Variants in DCC observed in about 807,000 individuals in gnomAD.
DCC encodes DCC netrin 1 receptor, also known as netrin receptor DCC.
In DCC, 58 loss-of-function variants were observed where a neutral mutation model predicts 172.5. The ratio of observed to expected loss-of-function variants is 0.34; its 90% CI spans 0.27 to 0.42. DCC has a LOEUF of 0.42. DCC is among the 10% of genes least tolerant of loss of function. The probability of loss-of-function intolerance (pLI) is 1.00; values close to 1 mark genes in which losing one functional copy is unlikely to be tolerated. For synonymous variants in DCC, 709 were observed against 644.5 expected (o/e 1.10, Z -1.52); for missense variants, 1,740 against 1,791.0 (o/e 0.97, Z 0.51).
chr18:52,489,995 C>T (rs974668062), intron 1 of DCC, among the ~76,000 whole-genome samples: 1 of 152,128 alleles, frequency 6.6e-6, no homozygotes, highest in Admixed American at 6.6e-5. Context: ...TTTTCTGATG[C>T]ATACAATTAG....
intron 1 of DCC, among the ~76,000 whole-genome samples, chr18:52,390,001 A>G (rs867823381): frequency 2.6e-5 from 4 of 152,070 alleles, no homozygotes; most frequent in Non-Finnish European, 5.9e-5. Context: ...TGAGACTTAC[A>G]TTACAATATG....
At chr18:53,116,080 A>G (rs1419205706) in intron 7 of DCC, among the ~76,000 whole-genome samples, 1 of 151,638 alleles carries the variant, frequency 6.6e-6, no homozygotes, top group Non-Finnish European at 1.5e-5. Context: ...CATTTTGCTG[A>G]CCTGTTACTT....
chr18:53,005,582 G>T (rs990190994), intron 5 of DCC, among the ~76,000 whole-genome samples: 2 of 152,070 alleles, frequency 1.3e-5, no homozygotes, highest in Non-Finnish European at 2.9e-5. Context: ...AAAAAAATTA[G>T]CCGGGCAAAG....
rs529168658 is a variant in DCC, at chr18:53,382,887, C to T, written c.2360-3156C>T. The stretch of plus-strand genomic sequence containing the variant: ...ATATCTTTAACATTAATACTTAGGT[C>T]ACATACAAATTTTATGAAGAAAACT... On this transcript the variant is annotated intron_variant, in intron 15 of 28. Transcript: ENST00000442544. 1.4e-3 allele frequency among the ~76,000 whole-genome samples: 219 copies of T among 152,118 alleles called. 1 individual carries two copies. The highest frequency in any genetic ancestry group is 2.4e-3 in the Non-Finnish European group (164 of 67,930).
chr18:53,261,532 T>C (rs1167247583), intron 12 of DCC, among the ~76,000 whole-genome samples: 1 of 152,120 alleles, frequency 6.6e-6, no homozygotes, highest in Non-Finnish European at 1.5e-5. Context: ...CTGTTCCTGC[T>C]TGTTTTGAGG....
intron 1 of DCC, among the ~76,000 whole-genome samples, chr18:52,733,494 C>T (rs1283694819): frequency 6.6e-6 from 1 of 151,878 alleles, no homozygotes; most frequent in Non-Finnish European, 1.5e-5. Context: ...TAAACACCGC[C>T]TTTTTTTGTT....
At chr18:53,293,695 G>C (rs1449451417) in intron 12 of DCC, among the ~76,000 whole-genome samples, 2 of 152,016 alleles carry the variant, frequency 1.3e-5, no homozygotes. Flanking sequence ...TAGTGTTTAT[G>C]GTCCAGAATT....
intron 1 of DCC, among the ~76,000 whole-genome samples, chr18:52,738,863 C>G (rs1220922807): frequency 4.1e-5 from 6 of 146,628 alleles, no homozygotes; most frequent in Non-Finnish European, 8.9e-5. Context: ...TCTTAACCTG[C>G]TAGGACTACA....
intron 1 of DCC, among the ~76,000 whole-genome samples, chr18:52,423,697 G>A (rs1987328269): frequency 6.6e-6 from 1 of 152,172 alleles, no homozygotes; most frequent in Non-Finnish European, 1.5e-5. Context: ...ATCCTCAGCT[G>A]TTGTGGTTTA....
chr18:52,869,857 G>A (rs996455304), intron 2 of DCC, among the ~76,000 whole-genome samples: 1 of 152,194 alleles, frequency 6.6e-6, no homozygotes, highest in African/African-American at 2.4e-5. Flanking sequence ...GGAGAGAACA[G>A]ACAGCCCCAA....
intron 15 of DCC, among the ~76,000 whole-genome samples, chr18:53,349,596 A>C (rs1192601463): frequency 2.6e-5 from 4 of 152,362 alleles, no homozygotes; most frequent in Admixed American, 2.0e-4. Flanking sequence ...AAAGGGGTTT[A>C]ATTGGACTTA....
chr18:53,250,592 C>T (rs1298916021), intron 12 of DCC, among the ~76,000 whole-genome samples: 2 of 151,058 alleles, frequency 1.3e-5, no homozygotes, highest in Non-Finnish European at 3.0e-5. Context: ...CTGGAAGATA[C>T]ATCCTTCCTA....
At chr18:53,244,914 G>A (rs2056347745) in intron 12 of DCC, among the ~76,000 whole-genome samples, 1 of 151,878 alleles carries the variant, frequency 6.6e-6, no homozygotes, top group African/African-American at 2.4e-5. Flanking sequence ...TGCCTTTAGG[G>A]GATAAAAGCA....
chr18:52,793,580 T>C (rs1241883076), intron 2 of DCC, among the ~76,000 whole-genome samples: 2 of 152,206 alleles, frequency 1.3e-5, no homozygotes, highest in Non-Finnish European at 2.9e-5. Context: ...TTTTCTCTCA[T>C]TCTGCATGTT....
chr18:53,048,106 T>A (rs2042282540), intron 5 of DCC, among the ~76,000 whole-genome samples: 3 of 152,012 alleles, frequency 2.0e-5, no homozygotes, highest in Admixed American at 2.0e-4. Context: ...ATACTGAGTC[T>A]CTATTTGTTG....
intron 3 of DCC, among the ~76,000 whole-genome samples, chr18:52,912,829 A>T (rs1488612385): frequency 6.6e-6 from 1 of 151,980 alleles, no homozygotes; most frequent in East Asian, 1.9e-4. Context: ...CTCACCCTCA[A>T]CTCTGCCTTT....
chr18:52,589,484 A>G (rs537714743), intron 1 of DCC, among the ~76,000 whole-genome samples: 1 of 152,314 alleles, frequency 6.6e-6, no homozygotes, highest in Admixed American at 6.5e-5. Flanking sequence ...CATATGCAAT[A>G]TTTGAATGTG....
At chr18:52,474,810 G>A (rs1211359745) in intron 1 of DCC, among the ~76,000 whole-genome samples, 2 of 152,206 alleles carry the variant, frequency 1.3e-5, no homozygotes, top group Non-Finnish European at 2.9e-5. Flanking sequence ...CTGTCTCAGA[G>A]AGCCCACGGG....
intron 13 of DCC, among the ~76,000 whole-genome samples, chr18:53,314,637 G>T (rs1246347387): frequency 1.3e-5 from 2 of 152,094 alleles, no homozygotes; most frequent in African/African-American, 4.8e-5. Flanking sequence ...TTAATAATGG[G>T]ATTCTATACA....
Sources: allele counts gnomAD v4.1 joint callset (sites outside exome capture counted in the v4.1 genomes callset), GRCh38; gene constraint gnomAD v4.1.1; transcripts MANE v1.5; gene names NCBI Gene and HGNC (gene_info 2026-07-23, HGNC 2026-07-21).